Variants in FBXW5 observed in about 807,000 individuals in gnomAD.
FBXW5 encodes F-box/WD repeat-containing protein 5.
FBXW5 carries 74 observed loss-of-function variants against 50.9 expected under a neutral mutation model. The observed-to-expected ratio is 1.45, with a 90% CI of 1.20 to 1.76. The LOEUF (loss-of-function observed/expected upper bound fraction) is 1.76, where lower values mean the gene tolerates loss of function less well. Among genes scored for constraint, FBXW5 ranks in the 40% most tolerant of loss-of-function variants. The pLI is 0.00. For missense variants in FBXW5, 1,073 were observed against 818.8 expected (o/e 1.31, Z -3.79); for synonymous variants, 523 against 362.2 (o/e 1.44, Z -5.04).
At chr9:136,942,497 C>A in intron 5 of FBXW5, 31 bp from the exon 6 acceptor site, 3 of 1,597,942 alleles carry the variant, frequency 1.9e-6, no homozygotes, top group South Asian at 1.1e-5. Flanking sequence ...CAGGTGGGCG[C>A]CGGGCGCCAG....
intron 1 of FBXW5, 174 bp from the exon 2 acceptor site, chr9:136,944,280 G>A: frequency 1.3e-6 from 1 of 745,380 alleles, no homozygotes; most frequent in South Asian, 3.2e-5. Context: ...GGGCGGGCCG[G>A]GCCGGCCCCT....
intron 8 of FBXW5, 26 bp downstream of exon 8, chr9:136,941,225 G>T: frequency 6.2e-7 from 1 of 1,600,656 alleles, no homozygotes. Flanking sequence ...GCCCACACCC[G>T]CCCTGCACCA....
In FBXW5 at chr9:136,944,002, C is replaced by A. The variant is rs1278983972; in HGVS notation, c.82G>T (p.Ala28Ser). The A allele has an allele frequency of 6.3e-7, 1 of 1,595,432 alleles. No homozygotes were observed. Among genetic ancestry groups the A allele is most frequent in the South Asian group, 1.1e-5 (1 of 88,394 alleles). Reference sequence around the variant, plus strand: ...CATTGGCGGCACACCAGCCCGGCGGCCAGCACGTCGGCCGGGCCCAGGCTC... The same window carrying A: ...CATTGGCGGCACACCAGCCCGGCGGACAGCACGTCGGCCGGGCCCAGGCTC... ...FLSLGPADVL[A>S]AGLVCRQWQA... is the part of the protein sequence containing the mutation. Residue 28 changes from alanine (A) to serine (S), a missense_variant, in exon 2 of 9, where the codon GCC (alanine) becomes TCC (serine). Transcript: ENST00000325285.
At chr9:136,944,181 CCCCAACCGT>C in intron 1 of FBXW5, 75 bp from the exon 2 acceptor site, 4 of 1,404,186 alleles carry the variant, frequency 2.8e-6, no homozygotes, top group Non-Finnish European at 3.8e-6. Context: ...GTTCCTCCAG[CCCCAACCGT>C]CCCGCCGGGA....
intron 3 of FBXW5, 25 bp from the exon 4 acceptor site, chr9:136,942,968 G>A: frequency 6.2e-7 from 1 of 1,611,626 alleles, no homozygotes. Flanking sequence ...CGGCTGTAGT[G>A]ATCGCCTGGC....
chr9:136,941,424 C>T lies in FBXW5; in HGVS notation c.1284G>A (p.Ala428=), dbSNP rs140009447. ...GCGGCTGCATGGGGTCGGCCACCAC[C>T]GCACCGTTGGGCCAGGCGCGGCTGT... ...YVNSRAWPNG[A]VVADPMQPPP... is the part of the protein sequence containing the mutation. Residue 428 remains alanine, a synonymous_variant, in exon 8 of 9, where the codon GCG becomes GCA. Transcript: ENST00000325285. 6.0e-5 allele frequency: 96 copies of T among 1,609,722 alleles called. No individual in the cohort carries two copies. In the East Asian group the frequency reaches 1.3e-3, roughly 21 times the overall value.
rs759237517 is a variant in FBXW5, at chr9:136,941,301, G to A, written c.1407C>T (p.Asn469=). 99 of 1,609,336 alleles carry A rather than the reference G, an allele frequency of 6.2e-5. No individual in the cohort carries two copies. The South Asian group carries it at 6.5e-4, about 11-fold the overall frequency. The change falls in exon 8 of 9, where the codon AAC becomes AAT. Residue 469 remains asparagine, a synonymous_variant. Coordinates refer to ENST00000325285, the MANE Select transcript of FBXW5 (RefSeq NM_018998.4). The part of the protein sequence containing the change: ...ALRAHRAYTP[N]DECFFIFLDV... ...CCAGGAAGATGAAGAAGCACTCGTC[G>A]TTGGGCGTGTAGGCGCGGTGCGCAC... is the stretch of plus-strand genomic sequence containing the variant.
In FBXW5 at chr9:136,941,677, C is replaced by T; in HGVS notation, c.1104G>A (p.Lys368=). ...LTYSPHQIGI[K]QILPHQMTTA... ...TGGTCATCTGGTGTGGCAGGATCTGCTTGATGCCTGCAGGGAGGGCTACGG... is the reference window on the plus strand; with the variant it reads ...TGGTCATCTGGTGTGGCAGGATCTGTTTGATGCCTGCAGGGAGGGCTACGG... The change falls in exon 7 of 9, where the codon AAG becomes AAA. Residue 368 remains lysine, a synonymous_variant. Coordinates refer to ENST00000325285, the MANE Select transcript of FBXW5 (RefSeq NM_018998.4). 1.3e-6 allele frequency: 2 copies of T among 1,558,798 alleles called. No individual in the cohort carries two copies. The highest frequency in any genetic ancestry group is 1.7e-6 in the Non-Finnish European group (2 of 1,152,524).
chr9:136,941,902 C>T (rs1850785747), intron 6 of FBXW5, 144 bp downstream of exon 6: 3 of 1,437,890 alleles, frequency 2.1e-6, no homozygotes, highest in Middle Eastern at 2.5e-4. Flanking sequence ...CCACAGGCCC[C>T]AGGTCTGGGC....
In FBXW5 at chr9:136,941,225, G is replaced by A. The variant is rs375678798; in HGVS notation, c.1457+26C>T. 171 of 1,600,656 alleles carry A rather than the reference G, an allele frequency of 1.1e-4. No individual in the cohort carries two copies. In the African/African-American group the frequency reaches 1.6e-3, roughly 15 times the overall value. ...CGCCCGCCCGCTGCTGCCCACACCC[G>A]CCCTGCACCACGCCGCGCCCTGCAC... On this transcript the variant is annotated intron_variant, in intron 8 of 8. Coordinates refer to ENST00000325285, the MANE Select transcript of FBXW5 (RefSeq NM_018998.4).
At position 136,942,560 on chromosome 9, in the gene FBXW5, T is replaced by C. The variant is rs749729384; in HGVS notation, c.662A>G (p.Asn221Ser). ...DITSCSVLWLNNAFQDVESEN... is the reference protein window; with the variant it reads ...DITSCSVLWLSNAFQDVESEN... ...CCCCGCACGCACCTGGAAGGCATTG[T>C]TGAGCCACAGCACCGAGCAGGAGGT... Residue 221 changes from asparagine to serine, a missense_variant, in exon 5 of 9, where the codon AAC becomes AGC. Asn to Ser is a conservative substitution (Grantham distance 46). Transcript: ENST00000325285. 15 of 1,611,330 alleles carry C rather than the reference T, an allele frequency of 9.3e-6. No homozygotes were observed. The highest frequency in any genetic ancestry group is 1.0e-5 in the Non-Finnish European group (12 of 1,179,240).
Position 136,943,482 on chromosome 9 carries a change from A to T in FBXW5, c.218T>A (p.Phe73Tyr). 3 of 1,611,904 alleles carry T rather than the reference A, an allele frequency of 1.9e-6. No individual in the cohort carries two copies. The highest frequency in any genetic ancestry group is 2.2e-5 in the East Asian group (1 of 44,834). ...GGGCACCGTGTCATACAGCCGCTGG[A>T]ACTCCTCGTACCAGGACATGGCCGC... ...HPAAMSWYEE[F>Y]QRLYDTVPCV... is the part of the protein sequence containing the mutation. The change falls in exon 3 of 9, where the codon TTC becomes TAC. Residue 73 changes from phenylalanine to tyrosine, a missense_variant. Transcript: ENST00000325285.
chr9:136,943,052 C>T lies in FBXW5; in HGVS notation c.352-109G>A, dbSNP rs1000862310. ...TCTGCCAGCCCTACTCAGAGGCCAC[C>T]AGGGAGCAGGGACCCCTTCCAGCCA... On this transcript the variant is annotated intron_variant, in intron 3 of 8. Transcript: ENST00000325285. 95 of 1,525,210 alleles carry T rather than the reference C, an allele frequency of 6.2e-5. No homozygotes were observed. In the Middle Eastern group the frequency reaches 9.0e-4, roughly 14 times the overall value. 94.5% of individuals were successfully genotyped at this position (1,525,210 alleles called of 1,614,324 possible).
chr9:136,943,760 T>C, intron 2 of FBXW5, 131 bp downstream of exon 2: 2 of 1,128,658 alleles, frequency 1.8e-6, no homozygotes, highest in Non-Finnish European at 1.2e-6. Flanking sequence ...GACAGGCCTC[T>C]ATCAGGGTGT....
Position 136,941,285 on chromosome 9 carries a change from T to C in FBXW5, c.1423A>G (p.Ile475Val), listed in dbSNP as rs774739687. The change falls in exon 8 of 9, where the codon ATC becomes GTC. Residue 475 changes from isoleucine to valine, a missense_variant. Ile to Val is a conservative substitution (Grantham distance 29, BLOSUM62 3). Transcript: ENST00000325285. The stretch of plus-strand genomic sequence containing the variant: ...AAGTCCCTGCTGACGTCCAGGAAGA[T>C]GAAGAAGCACTCGTCGTTGGGCGTG... ...AYTPNDECFF[I>V]FLDVSRDFVA... is the part of the protein sequence containing the mutation. The C allele has an allele frequency of 1.2e-6, 2 of 1,608,032 alleles. No individual in the cohort carries two copies. The highest frequency in any genetic ancestry group is 1.7e-5 in the Admixed American group (1 of 59,992).
rs375836564 is a variant in FBXW5, at chr9:136,941,641, G to A, written c.1140C>T (p.Pro380=). ...ILPHQMTTAG[P]VLGEGRGSDA... is the part of the protein sequence containing the mutation. ...CGGAGCCCCGGCCCTCACCCAGCAC[G>A]GGCCCTGCCGTGGTCATCTGGTGTG... The change falls in exon 7 of 9, where the codon CCC becomes CCT. Residue 380 remains proline, a synonymous_variant. Coordinates refer to ENST00000325285, the MANE Select transcript of FBXW5 (RefSeq NM_018998.4). 2.6e-4 allele frequency: 413 copies of A among 1,572,046 alleles called. 1 individual carries two copies. Among genetic ancestry groups the A allele is most frequent in the Middle Eastern group, 2.5e-3 (15 of 6,010 alleles).
intron 8 of FBXW5, 39 bp from the exon 9 acceptor site, chr9:136,941,210 C>T: frequency 6.3e-7 from 1 of 1,599,280 alleles, no homozygotes; most frequent in Non-Finnish European, 8.5e-7. Context: ...CGCCCGCCCG[C>T]TGCTGCCCAC....
intron 6 of FBXW5, 142 bp downstream of exon 6, chr9:136,941,904 G>A (rs1850785875): frequency 7.6e-6 from 11 of 1,439,438 alleles, no homozygotes; most frequent in African/African-American, 7.2e-5. Flanking sequence ...ACAGGCCCCA[G>A]GTCTGGGCTT....
chr9:136,943,789 A>C (rs1850910553), intron 2 of FBXW5, 102 bp downstream of exon 2: 1 of 1,314,514 alleles, frequency 7.6e-7, no homozygotes, highest in African/African-American at 1.5e-5. Context: ...GAGCATGGAC[A>C]CGCGGGGCCG....
Sources: allele counts gnomAD v4.1 joint callset, GRCh38; gene constraint gnomAD v4.1.1; transcripts MANE v1.5; gene names NCBI Gene and HGNC (gene_info 2026-07-23, HGNC 2026-07-21).